Variants in CCN6 observed in about 807,000 individuals in gnomAD.
The protein encoded by CCN6 is CCN family member 6.
CCN6 carries 31 observed loss-of-function variants against 37.4 expected under a neutral mutation model. That is an observed-to-expected ratio of 0.83 (90% CI 0.62 to 1.12). CCN6 has a LOEUF of 1.12. Ranked by LOEUF, CCN6 falls within the 50% of genes most tolerant of loss-of-function variation. CCN6 has a pLI of 0.00. For missense variants in CCN6, 369 were observed against 413.8 expected (o/e 0.89, Z 0.94); for synonymous variants, 137 against 142.1 (o/e 0.96, Z 0.26).
At chr6:112,056,822 G>A (rs111519807) in intron 1 of CCN6, among the ~76,000 whole-genome samples, 3,535 of 151,926 alleles carry the variant, frequency 0.023, 150 homozygotes, top group African/African-American at 0.082. Flanking sequence ...TTTGAAAGAT[G>A]GTTTCACTGG....
intron 1 of CCN6, among the ~76,000 whole-genome samples, chr6:112,057,436 G>A (rs1000187096): frequency 6.6e-6 from 1 of 152,212 alleles, no homozygotes; most frequent in African/African-American, 2.4e-5. Flanking sequence ...TTACTTAGTA[G>A]CAATGAAATG....
intron 3 of CCN6, among the ~76,000 whole-genome samples, chr6:112,067,515 A>G (rs1340425354): frequency 6.6e-6 from 1 of 152,102 alleles, no homozygotes; most frequent in Non-Finnish European, 1.5e-5. Flanking sequence ...CTATTGATCC[A>G]TCCATTCTGT....
chr6:112,068,652 T>C (rs1280668993), intron 4 of CCN6, among the ~76,000 whole-genome samples: 3 of 152,166 alleles, frequency 2.0e-5, no homozygotes, highest in Non-Finnish European at 4.4e-5. Flanking sequence ...TGCTACACTA[T>C]AATTATGAAA....
intron 4 of CCN6, 115 bp downstream of exon 4, chr6:112,068,513 C>T (rs1776769170): frequency 2.1e-6 from 2 of 955,934 alleles, no homozygotes; most frequent in South Asian, 3.8e-5. Context: ...AAAAGCATCT[C>T]ATTATAATGC....
intron 1 of CCN6, among the ~76,000 whole-genome samples, chr6:112,055,136 G>A (rs771151396): frequency 1.3e-3 from 192 of 152,348 alleles, no homozygotes; most frequent in Non-Finnish European, 2.0e-3. Context: ...ACATGGGTGT[G>A]TCTGTGAGTT....
chr6:112,054,444 A>T, intron 1 of CCN6, 39 bp downstream of exon 1: 1 of 1,596,746 alleles, frequency 6.3e-7, no homozygotes, highest in Non-Finnish European at 8.6e-7. Flanking sequence ...TCCGGAGGCT[A>T]TGGCCATCCT....
chr6:112,063,409 G>T (rs190458542), intron 2 of CCN6, among the ~76,000 whole-genome samples: 4 of 152,222 alleles, frequency 2.6e-5, no homozygotes, highest in Non-Finnish European at 5.9e-5. Flanking sequence ...GACCCATTTG[G>T]AATAGATCTT....
Position 112,061,166 on chromosome 6 carries a change from G to A in CCN6, c.224G>A (p.Cys75Tyr), listed in dbSNP as rs1406643517. ...VSLVRDGCGCCKICAKQPGEI... is the reference protein window; with the variant it reads ...VSLVRDGCGCYKICAKQPGEI... ...CTGGTGAGAGATGGCTGTGGATGCT[G>A]TAAAATCTGTGCCAAGCAACCAGGG... The change falls in exon 2 of 5, where the codon TGT (cysteine) becomes TAT (tyrosine). Residue 75 changes from cysteine to tyrosine, a missense_variant. By Grantham distance (194) the Cys-to-Tyr change is radical. Coordinates refer to ENST00000368666, the MANE Select transcript of CCN6 (RefSeq NM_198239.2). 2 of 1,614,054 alleles carry A rather than the reference G, an allele frequency of 1.2e-6. No homozygotes were observed. Among genetic ancestry groups the A allele is most frequent in the Non-Finnish European group, 1.7e-6 (2 of 1,180,042 alleles).
intron 1 of CCN6, among the ~76,000 whole-genome samples, chr6:112,056,567 A>G (rs1776354006): frequency 6.6e-6 from 1 of 152,038 alleles, no homozygotes; most frequent in African/African-American, 2.4e-5. Flanking sequence ...CCTAGGCTGG[A>G]GTGCAGTGGC....
At chr6:112,053,140 C>T (rs1199495974), upstream of CCN6, among the ~76,000 whole-genome samples, 1 of 152,028 alleles carries the variant, frequency 6.6e-6, no homozygotes, top group African/African-American at 2.4e-5. Context: ...AGCACCACGG[C>T]AGCTGCAAAT....
rs587765737 is a variant in CCN6, at chr6:112,064,050, G to A, written c.347-705G>A. Among the ~76,000 whole-genome samples, 31 of 152,216 alleles carry A rather than the reference G, an allele frequency of 2.0e-4. No homozygotes were observed. The South Asian group carries it at 6.0e-3, about 30-fold the overall frequency. On this transcript the variant is annotated intron_variant, in intron 2 of 4. Coordinates refer to ENST00000368666, the MANE Select transcript of CCN6 (RefSeq NM_198239.2). ...TTTTAAAGTATAAGTACCTGGCAAG[G>A]AAAAATACAAGATTACCTCTACAGT...
At chr6:112,055,579 C>CTTTATTTATTTATTTATTTA (rs375824740) in intron 1 of CCN6, among the ~76,000 whole-genome samples, 7 of 151,288 alleles carry the variant, frequency 4.6e-5, no homozygotes, top group Admixed American at 1.3e-4. Flanking sequence ...GTGCTGGGTG[C>CTTTATTTATTTATTTATTTA]TTTATTTATT....
At chr6:112,053,382 C>T (rs587613900), upstream of CCN6, among the ~76,000 whole-genome samples, 8 of 151,440 alleles carry the variant, frequency 5.3e-5, no homozygotes, top group South Asian at 2.1e-4. Flanking sequence ...CTGCAACCTC[C>T]GCCTCCCAGG....
At chr6:112,065,145 C>A in intron 3 of CCN6, 148 bp downstream of exon 3, 1 of 1,281,122 alleles carries the variant, frequency 7.8e-7, no homozygotes, top group Non-Finnish European at 1.1e-6. Context: ...TTAATCTTTG[C>A]CTCAGACAGG....
chr6:112,065,128 A>G (rs1776642292), intron 3 of CCN6, 131 bp downstream of exon 3: 1 of 1,403,562 alleles, frequency 7.1e-7, no homozygotes. Flanking sequence ...TGAGTGTATC[A>G]TTTTACTTAA....
chr6:112,068,172 G>C, intron 3 of CCN6, 33 bp from the exon 4 acceptor site: 1 of 1,498,246 alleles, frequency 6.7e-7, no homozygotes, highest in Non-Finnish European at 9.1e-7. Context: ...ACATTTATAT[G>C]TATACATATG....
In CCN6 at chr6:112,065,089, TTGA is replaced by T. The variant is rs1211484920; in HGVS notation, c.589+94_589+96del. The T allele has an allele frequency of 2.3e-5, 36 of 1,584,234 alleles. No homozygotes were observed. The African/African-American group carries it at 4.7e-4, about 21-fold the overall frequency. On this transcript the variant is annotated intron_variant, in intron 3 of 4. Coordinates refer to ENST00000368666, the MANE Select transcript of CCN6 (RefSeq NM_198239.2). ...ATCATAGGTACTCAGTAAGTACTTG[TTGA>T]TTGGTGGTCAGAGTGAGATATAGTT...
At chr6:112,062,399 A>G (rs2114449739) in intron 2 of CCN6, among the ~76,000 whole-genome samples, 1 of 152,340 alleles carries the variant, frequency 6.6e-6, no homozygotes, top group Non-Finnish European at 1.5e-5. Flanking sequence ...CATTAAACCA[A>G]CAAACACTTA....
chr6:112,065,039 G>A (rs1295705651), intron 3 of CCN6, 42 bp downstream of exon 3: 3 of 1,612,726 alleles, frequency 1.9e-6, no homozygotes, highest in Non-Finnish European at 2.5e-6. Context: ...GACCTTGGTG[G>A]TATTCCTTCA....
Sources: gnomAD v4.1 joint callset for allele counts (sites outside exome capture counted in the v4.1 genomes callset) on GRCh38, gnomAD v4.1.1 for gene constraint, MANE v1.5 for transcripts, NCBI Gene and HGNC (gene_info 2026-07-23, HGNC 2026-07-21) for gene names.